ERCC2: variants seen among roughly 807,000 people sequenced by gnomAD.
ERCC2 encodes ERCC excision repair 2, TFIIH core complex helicase subunit.
Under a neutral mutation model 99.4 loss-of-function variants are expected in ERCC2, and 90 were observed. The ratio of observed to expected loss-of-function variants is 0.91; its 90% CI spans 0.76 to 1.08. The LOEUF (loss-of-function observed/expected upper bound fraction) is 1.08, where lower values mean the gene tolerates loss of function less well. ERCC2 is among the 50% of genes least tolerant of loss of function. The pLI, the probability that ERCC2 is intolerant of heterozygous loss-of-function variation, is 0.00. For synonymous variants in ERCC2, 497 were observed against 432.4 expected, an observed-to-expected ratio of 1.15 and a Z score of -1.85; for missense variants, 993 against 1,038.1, an observed-to-expected ratio of 0.96 and a Z score of 0.60.
In ERCC2 at chr19:45,350,567, G is replaced by A; in HGVS notation, c.*1062C>T. 2 of 1,614,014 alleles carry A rather than the reference G, an allele frequency of 1.2e-6. No homozygotes were observed. The highest frequency in any genetic ancestry group is 1.7e-5 in the Admixed American group (1 of 60,010). On this transcript the variant is annotated 3_prime_UTR_variant, in exon 23 of 23. Transcript: ENST00000391945. ...CGCAGAACAGGTGAGGATGGGCTGT[G>A]CTTCGGCTCCTGGGGTGGGCGTGGG...
At chr19:45,355,296 G>A (rs1283377402) in intron 16 of ERCC2, among the ~76,000 whole-genome samples, 1 of 152,252 alleles carries the variant, frequency 6.6e-6, no homozygotes, top group Admixed American at 6.5e-5. Flanking sequence ...GGCAGAGACT[G>A]CAGTGAGCCG....
At position 45,364,330 on chromosome 19, in the gene ERCC2, G is replaced by T; in HGVS notation, c.720C>A (p.Asp240Glu). The T allele has an allele frequency of 6.2e-7, 1 of 1,614,012 alleles. No homozygotes were observed. Among genetic ancestry groups the T allele is most frequent in the Non-Finnish European group, 8.5e-7 (1 of 1,180,006 alleles). The part of the protein sequence containing the change: ...VVVFDEAHNI[D>E]NVCIDSMSVN... ...CGCTCATGGAGTCGATGCAGACGTT[G>T]TCTGGAGAAGGGGGAGAGAGCCGGC... The change falls in exon 9 of 23, where the codon GAC becomes GAA. Residue 240 changes from aspartate to glutamate, a missense_variant and splice_region_variant. By Grantham distance (45) the Asp-to-Glu change is conservative (BLOSUM62 2). This residue lies in a region of ERCC2 where 909 missense variants were observed against 930.8 expected (regional missense o/e 0.98). Coordinates refer to ENST00000391945, the MANE Select transcript of ERCC2 (RefSeq NM_000400.4).
intron 12 of ERCC2, chr19:45,358,911 G>A: frequency 1.3e-6 from 1 of 773,422 alleles, no homozygotes; most frequent in Non-Finnish European, 2.4e-6. Flanking sequence ...GCTGAGCCTG[G>A]CCTGTTTGTT....
intron 11 of ERCC2, among the ~76,000 whole-genome samples, chr19:45,363,328 G>T (rs1019986807): frequency 2.0e-5 from 3 of 152,136 alleles, no homozygotes; most frequent in Non-Finnish European, 4.4e-5. Flanking sequence ...CCCTGGTACT[G>T]GTTTCTGCTC....
rs774486982 is a variant in ERCC2, at chr19:45,352,721, CT to C, written c.1902+24del. The C allele has an allele frequency of 1.1e-4, 173 of 1,613,982 alleles. 2 individuals carry two copies. In the Middle Eastern group the frequency reaches 3.5e-3, roughly 32 times the overall value. On this transcript the variant is annotated intron_variant, in intron 20 of 22. Transcript: ENST00000391945. ...CTCCCTTGATCCTAACACTGTGGGA[CT>C]CCCTGGGAGACAGAGCTACTCACCT...
At position 45,356,823 on chromosome 19, in the gene ERCC2, AACC is replaced by A. The variant is rs576630244; in HGVS notation, c.1479+444_1479+446del. Among the ~76,000 whole-genome samples, 160 of 152,266 alleles carry A rather than the reference AACC, an allele frequency of 1.1e-3. 1 individual carries two copies. The highest frequency in any genetic ancestry group is 3.9e-3 in the Admixed American group (60 of 15,300). On this transcript the variant is annotated intron_variant, in intron 15 of 22. Transcript: ENST00000391945. Reference sequence around the variant, plus strand: ...ACTCCGTCGCACAACAAAAACAAAAAACCACATCCAGCCTGGGGACTTCAGATA... The same window carrying A: ...ACTCCGTCGCACAACAAAAACAAAAAACATCCAGCCTGGGGACTTCAGATA...
Position 45,357,692 on chromosome 19 carries a change from G to A in ERCC2, c.1245C>T (p.Thr415=). The A allele has an allele frequency of 6.2e-7, 1 of 1,613,704 alleles. No individual in the cohort carries two copies. ...TGTCGTCAAAGGGCTCGATGATGAT[G>A]GTGAAGCCTGCAGAGGGCAGGCAAG... is the stretch of plus-strand genomic sequence containing the variant. ...TLVSTYAKGF[T]IIIEPFDDRT... Residue 415 remains threonine (T), a synonymous_variant, in exon 13 of 23, where the codon ACC becomes ACT. Coordinates refer to ENST00000391945, the MANE Select transcript of ERCC2 (RefSeq NM_000400.4).
In ERCC2 at chr19:45,354,740, CAGG is replaced by C. The variant is rs754319959; in HGVS notation, c.1652_1654del (p.Ser551del). On this transcript the variant is annotated inframe_deletion, in exon 17 of 23. Coordinates refer to ENST00000391945, the MANE Select transcript of ERCC2 (RefSeq NM_000400.4). ...GGTGGCCAGGCGTACCTGCTCATACCAGGAGGCCACGGTGCTCTCCATGTACTG... is the reference window on the plus strand; with the variant it reads ...GGTGGCCAGGCGTACCTGCTCATACCAGGCCACGGTGCTCTCCATGTACTG... 1.9e-6 allele frequency: 3 copies of C among 1,613,988 alleles called. No individual in the cohort carries two copies. Among genetic ancestry groups the C allele is most frequent in the Non-Finnish European group, 2.5e-6 (3 of 1,179,950 alleles).
At position 45,354,674 on chromosome 19, in the gene ERCC2, G is replaced by A. The variant is rs762891358; in HGVS notation, c.1665+56C>T. ...GTGAGAGGAATGAAGCTGACATAGC[G>A]GTGCAGTGCCAGGGACTGAGGAGAG... is the stretch of plus-strand genomic sequence containing the variant. On this transcript the variant is annotated intron_variant, in intron 17 of 22. Coordinates refer to ENST00000391945, the MANE Select transcript of ERCC2 (RefSeq NM_000400.4). The A allele has an allele frequency of 1.9e-4, 299 of 1,606,524 alleles. 3 individuals are homozygous for A. Among genetic ancestry groups the A allele is most frequent in the South Asian group, 1.2e-3 (108 of 90,766 alleles).
intron 17 of ERCC2, among the ~76,000 whole-genome samples, chr19:45,353,945 A>AG (rs1971921982): frequency 6.6e-6 from 1 of 152,242 alleles, no homozygotes; most frequent in Non-Finnish European, 1.5e-5. Flanking sequence ...GGGTAGGCAA[A>AG]GGTGTCTTAA....
In ERCC2 at chr19:45,355,779, C is replaced by T. The variant is rs182178178; in HGVS notation, c.1480-51G>A. The T allele has an allele frequency of 5.2e-4, 715 of 1,378,578 alleles. 3 individuals are homozygous for T. The African/African-American group carries it at 8.9e-3, about 17-fold the overall frequency. The allele number at this position is 1,378,578 out of a possible 1,614,324, so 85.4% of individuals were successfully genotyped here. ...AGCGAGGCAGCAGCAACTGCTCCAG[C>T]GTGAGTGCTGACCACCTGCTGGTGC... On this transcript the variant is annotated intron_variant, in intron 15 of 22. Transcript: ENST00000391945.
rs180850149 is a variant in ERCC2 at position 45,358,891 on chromosome 19, C to G, written c.1238-1192G>C. The G allele has an allele frequency of 3.8e-6, 3 of 780,678 alleles. No individual in the cohort carries two copies. The Admixed American group carries it at 5.1e-5, about 13-fold the overall frequency. The allele number at this position is 780,678 out of a possible 1,614,324, so 48.4% of individuals were successfully genotyped here. On this transcript the variant is annotated intron_variant, in intron 12 of 22. Coordinates refer to ENST00000391945, the MANE Select transcript of ERCC2 (RefSeq NM_000400.4). The stretch of plus-strand genomic sequence containing the variant: ...ATGAGATCTTTTTTGGTTCCTGCTG[C>G]TTCCACAGTGCTGAGCCTGGCCTGT...
rs1971691927 is a variant in ERCC2, at chr19:45,350,584, GGGCGT to G, written c.*1040_*1044del. On this transcript the variant is annotated 3_prime_UTR_variant, in exon 23 of 23. Coordinates refer to ENST00000391945, the MANE Select transcript of ERCC2 (RefSeq NM_000400.4). The stretch of plus-strand genomic sequence containing the variant: ...TGGGCTGTGCTTCGGCTCCTGGGGT[GGGCGT>G]GGGGACTGCATGGGCCTGGGGGACT... The G allele has an allele frequency of 6.2e-7, 1 of 1,613,714 alleles. No individual in the cohort carries two copies. The highest frequency in any genetic ancestry group is 1.7e-5 in the Admixed American group (1 of 59,976).
At chr19:45,369,232 T>C (rs1426972980) in intron 2 of ERCC2, 85 bp from the exon 3 acceptor site, 3 of 1,032,030 alleles carry the variant, frequency 2.9e-6, no homozygotes, top group Non-Finnish European at 4.6e-6. Flanking sequence ...CGACCCCCAA[T>C]GCCACCAACT....
chr19:45,361,948 C>A (rs937705697), intron 11 of ERCC2: 4 of 375,230 alleles, frequency 1.1e-5, no homozygotes, highest in African/African-American at 8.3e-5. Context: ...TCTTTTTTTT[C>A]TTTGTTCAGA....
At chr19:45,352,452 A>G in intron 21 of ERCC2, 54 bp downstream of exon 21, 1 of 1,614,014 alleles carries the variant, frequency 6.2e-7, no homozygotes, top group South Asian at 1.1e-5. Flanking sequence ...AACGGGAAAC[A>G]GCCTGGTTCT....
chr19:45,355,878 C>T, intron 15 of ERCC2, 150 bp from the exon 16 acceptor site: 4 of 703,942 alleles, frequency 5.7e-6, no homozygotes, highest in Non-Finnish European at 1.0e-5. Context: ...TGATCTTGAA[C>T]ACCTGGCCTC....
chr19:45,351,739 A>C lies in ERCC2; in HGVS notation c.2191-18T>G. 1 of 1,612,114 alleles carries C rather than the reference A, an allele frequency of 6.2e-7. No homozygotes were observed. Among genetic ancestry groups the C allele is most frequent in the Non-Finnish European group, 8.5e-7 (1 of 1,178,700 alleles). On this transcript the variant is annotated intron_variant, in intron 22 of 22. Coordinates refer to ENST00000391945, the MANE Select transcript of ERCC2 (RefSeq NM_000400.4). ...TGATCCTCCTGCAGAGAACAGAGGAAAGGGAGAGGGGGGCACTGTTGGGCA... is the reference window on the plus strand; with the variant it reads ...TGATCCTCCTGCAGAGAACAGAGGACAGGGAGAGGGGGGCACTGTTGGGCA...
chr19:45,353,814 C>T (rs1971916414), intron 17 of ERCC2, among the ~76,000 whole-genome samples: 2 of 152,140 alleles, frequency 1.3e-5, no homozygotes, highest in Non-Finnish European at 2.9e-5. Context: ...AAAAATGAAC[C>T]TTGACCCCCT....
Sources: allele counts gnomAD v4.1 joint callset (sites outside exome capture counted in the v4.1 genomes callset), GRCh38; gene constraint gnomAD v4.1.1; regional missense constraint gnomAD v4.1.1; transcripts MANE v1.5; gene names NCBI Gene and HGNC (gene_info 2026-07-23, HGNC 2026-07-21).